The following C16orf96 variants were observed in gnomAD, a reference collection of about 807,000 sequenced individuals.
C16orf96 encodes uncharacterized protein C16orf96.
C16orf96 carries 108 observed loss-of-function variants against 103.6 expected under a neutral mutation model. The ratio of observed to expected loss-of-function variants is 1.04; its 90% CI spans 0.89 to 1.22. The LOEUF (loss-of-function observed/expected upper bound fraction) is 1.22. Among genes scored for constraint, C16orf96 ranks in the 50% most tolerant of loss-of-function variants. The pLI, the probability that C16orf96 is intolerant of heterozygous loss-of-function variation, is 0.00. For missense variants in C16orf96, 1,586 were observed against 1,464.2 expected, an observed-to-expected ratio of 1.08 and a Z score of -1.36; for synonymous variants, 566 against 593.5, an observed-to-expected ratio of 0.95 and a Z score of 0.67.
At chr16:4,542,807 T>A in the C16orf96 span, among the ~76,000 whole-genome samples, 2 of 151,896 alleles carry the variant, frequency 1.3e-5, no homozygotes, top group East Asian at 3.8e-4. Flanking sequence ...AAAAAAAAAA[T>A]TATCAATGAT....
At chr16:4,583,379 G>A (rs1370199886) in intron 7 of C16orf96, among the ~76,000 whole-genome samples, 2 of 151,980 alleles carry the variant, frequency 1.3e-5, no homozygotes, top group African/African-American at 4.8e-5. Flanking sequence ...GGCAGCGTAC[G>A]CCTATAGTCC....
chr16:4,596,755 A>G (rs981532317), intron 14 of C16orf96, among the ~76,000 whole-genome samples: 7 of 152,156 alleles, frequency 4.6e-5, no homozygotes, highest in African/African-American at 1.7e-4. Flanking sequence ...AACAAAATAC[A>G]GCCAGAGTTG....
At chr16:4,544,681 C>T in the C16orf96 span, among the ~76,000 whole-genome samples, 2 of 152,194 alleles carry the variant, frequency 1.3e-5, no homozygotes, top group East Asian at 1.9e-4. Flanking sequence ...GGGGCTGTTG[C>T]GAGGATGGGA....
At chr16:4,560,196 A>G (rs2059313769) in intron 1 of C16orf96, 1 of 149,548 alleles carries the variant, frequency 6.7e-6, no homozygotes, top group Non-Finnish European at 1.5e-5. Context: ...TTTTCTTTGC[A>G]TTTTTATATA....
At chr16:4,539,848 A>G in the C16orf96 span, among the ~76,000 whole-genome samples, 1 of 152,104 alleles carries the variant, frequency 6.6e-6, no homozygotes, top group Non-Finnish European at 1.5e-5. Flanking sequence ...TGCACCAGCC[A>G]AGGCCACCTA....
At chr16:4,555,322 A>T (rs1277724274), upstream of C16orf96, among the ~76,000 whole-genome samples, 1 of 84,224 alleles carries the variant, frequency 1.2e-5, no homozygotes, top group African/African-American at 2.6e-5. Context: ...GAGAAAATGG[A>T]ACACTGTGGG....
At chr16:4,574,247 A>G (rs141500676) in intron 2 of C16orf96, among the ~76,000 whole-genome samples, 3,561 of 147,128 alleles carry the variant, frequency 0.024, 60 homozygotes, top group Non-Finnish European at 0.035. Context: ...TTTTGAGACA[A>G]AGTCTCACTC....
Position 4,576,485 on chromosome 16 carries a change from G to T in C16orf96, c.2005G>T (p.Ala669Ser), listed in dbSNP as rs2059511797. 6.4e-7 allele frequency: 1 copy of T among 1,551,466 alleles called. No individual in the cohort carries two copies. ...PDPALSQAMV[A>S]TKQAMSPEDK... The stretch of plus-strand genomic sequence containing the variant: ...TCCAGCCCTGTCCCAGGCCATGGTG[G>T]CTACCAAGCAGGCCATGAGCCCTGA... Residue 669 changes from alanine to serine, a missense_variant, in exon 5 of 16, where the codon GCT becomes TCT. Coordinates refer to ENST00000444310, the MANE Select transcript of C16orf96 (RefSeq NM_001145011.2).
intron 1 of C16orf96, among the ~76,000 whole-genome samples, chr16:4,558,155 G>A (rs537979065): frequency 2.6e-5 from 4 of 152,332 alleles, no homozygotes; most frequent in African/African-American, 7.2e-5. Flanking sequence ...GGAAACTGAC[G>A]CTCAGAGGAG....
At position 4,594,492 on chromosome 16, in the gene C16orf96, C is replaced by A. The variant is rs547357701; in HGVS notation, c.3009C>A (p.His1003Gln). 3 of 1,551,414 alleles carry A rather than the reference C, an allele frequency of 1.9e-6. No homozygotes were observed. Among genetic ancestry groups the A allele is most frequent in the South Asian group, 2.4e-5 (2 of 84,070 alleles). Reference sequence around the variant, plus strand: ...CGCTCTATCCCTACGGGGATCCCCACGTGATCGACTATGACAGCGTGAGTC... The same window carrying A: ...CGCTCTATCCCTACGGGGATCCCCAAGTGATCGACTATGACAGCGTGAGTC... ...LLTLYPYGDP[H>Q]VIDYDSAEVD... The change falls in exon 13 of 16, where the codon CAC becomes CAA. Residue 1003 changes from histidine to glutamine, a missense_variant. By Grantham distance (24) the His-to-Gln change is conservative. Coordinates refer to ENST00000444310, the MANE Select transcript of C16orf96 (RefSeq NM_001145011.2).
chr16:4,549,213 G>C, the C16orf96 span, among the ~76,000 whole-genome samples: 13 of 152,142 alleles, frequency 8.5e-5, no homozygotes, highest in African/African-American at 2.2e-4. Flanking sequence ...GGTGGCTCAC[G>C]CCTGTAATCC....
intron 7 of C16orf96, among the ~76,000 whole-genome samples, chr16:4,581,540 G>A (rs2141735358): frequency 6.6e-6 from 1 of 152,096 alleles, no homozygotes. Flanking sequence ...GGCTGAGGCA[G>A]GAGAATGGCA....
chr16:4,575,310 T>C lies in C16orf96; in HGVS notation c.830T>C (p.Leu277Pro). ...VSEPVQNPQL[L>P]QTVWHYEVPE... The stretch of plus-strand genomic sequence containing the variant: ...GAGCCCGTCCAAAACCCCCAGCTAC[T>C]GCAGACTGTCTGGCATTATGAGGTC... Residue 277 changes from leucine (L) to proline (P), a missense_variant, in exon 5 of 16, where the codon CTG (leucine) becomes CCG (proline). Coordinates refer to ENST00000444310, the MANE Select transcript of C16orf96 (RefSeq NM_001145011.2). The C allele has an allele frequency of 2.6e-6, 4 of 1,551,258 alleles. No homozygotes were observed. The South Asian group carries it at 3.6e-5, about 14-fold the overall frequency.
chr16:4,565,865 C>T (rs1029241405), intron 1 of C16orf96, among the ~76,000 whole-genome samples: 1 of 152,296 alleles, frequency 6.6e-6, no homozygotes, highest in Admixed American at 6.5e-5. Context: ...TTTTTAGGGA[C>T]AAGGTCTTGC....
chr16:4,584,140 C>T (rs1358877291), intron 7 of C16orf96, among the ~76,000 whole-genome samples: 1 of 152,104 alleles, frequency 6.6e-6, no homozygotes, highest in Non-Finnish European at 1.5e-5. Flanking sequence ...AGCAAGATCT[C>T]ATGACTGTGT....
At chr16:4,544,784 T>C in the C16orf96 span, among the ~76,000 whole-genome samples, 2 of 152,108 alleles carry the variant, frequency 1.3e-5, no homozygotes, top group African/African-American at 2.4e-5. Context: ...AGCCTCTGAG[T>C]GCTCTGGGCC....
chr16:4,546,515 G>A, the C16orf96 span, among the ~76,000 whole-genome samples: 1 of 148,882 alleles, frequency 6.7e-6, no homozygotes, highest in African/African-American at 2.5e-5. Flanking sequence ...ACAGGCTGGA[G>A]TGCAGTGGCG....
At chr16:4,581,183 T>TAA (rs59962924) in intron 7 of C16orf96, among the ~76,000 whole-genome samples, 167 of 118,318 alleles carry the variant, frequency 1.4e-3, no homozygotes, top group Admixed American at 0.01. Context: ...TATATATATA[T>TAA]AATTAGCCAG....
intron 1 of C16orf96, among the ~76,000 whole-genome samples, chr16:4,567,525 C>T (rs1463779912): frequency 2.6e-5 from 4 of 151,256 alleles, no homozygotes; most frequent in South Asian, 2.1e-4. Context: ...CCTCATCATC[C>T]GCCCACCTCG....
Sources: allele counts gnomAD v4.1 joint callset (sites outside exome capture counted in the v4.1 genomes callset), GRCh38; gene constraint gnomAD v4.1.1; transcripts MANE v1.5; gene names NCBI Gene and HGNC (gene_info 2026-07-23, HGNC 2026-07-21).